NPAS3: variants seen among roughly 807,000 people sequenced by gnomAD.
NPAS3 encodes neuronal PAS domain protein 3, also known as neuronal PAS domain-containing protein 3.
Under a neutral mutation model 73.1 loss-of-function variants are expected in NPAS3, and 14 were observed. The observed-to-expected ratio is 0.19, with a 90% CI of 0.13 to 0.30. The LOEUF (loss-of-function observed/expected upper bound fraction) is 0.30. Among genes scored for constraint, NPAS3 ranks in the 10% least tolerant of loss-of-function variants. NPAS3 has a pLI of 1.00. For missense variants in NPAS3, 1,096 were observed against 1,250.0 expected (o/e 0.88, Z 1.86); for synonymous variants, 620 against 541.5 (o/e 1.14, Z -2.01).
intron 3 of NPAS3, among the ~76,000 whole-genome samples, chr14:33,253,497 T>C (rs2048664137): frequency 6.6e-6 from 1 of 152,066 alleles, no homozygotes; most frequent in African/African-American, 2.4e-5. Flanking sequence ...TTCCCAATGG[T>C]AATCAAGCTT....
At chr14:33,292,537 A>G (rs1450514019) in intron 3 of NPAS3, among the ~76,000 whole-genome samples, 2 of 152,156 alleles carry the variant, frequency 1.3e-5, no homozygotes, top group African/African-American at 2.4e-5. Context: ...TATTTTAAAT[A>G]TGCCCTAAAA....
chr14:33,302,390 G>T (rs994967449), intron 3 of NPAS3, among the ~76,000 whole-genome samples: 13 of 152,156 alleles, frequency 8.5e-5, no homozygotes, highest in Non-Finnish European at 1.6e-4. Context: ...CTCAAAAAAT[G>T]ATGGATGAGA....
chr14:33,800,413 C>T lies in NPAS3; in HGVS notation c.2106C>T (p.Gly702=). The change falls in exon 12 of 12, where the codon GGC becomes GGT. Residue 702 remains glycine, a synonymous_variant. Coordinates refer to ENST00000356141, the Ensembl canonical transcript of NPAS3. The surrounding 1 kb of genome is among the most constrained non-coding windows in gnomAD (Gnocchi z 6.5). ...CGCAGGGCGGCGGCGGTGGGGGTGG[C>T]GGTGGCGGGGGGCTGCACGTGGCCA... 3 of 1,562,008 alleles carry T rather than the reference C, an allele frequency of 1.9e-6. No homozygotes were observed. The highest frequency in any genetic ancestry group is 1.1e-5 in the South Asian group (1 of 89,098).
intron 5 of NPAS3, among the ~76,000 whole-genome samples, chr14:33,644,864 CAAGGTCAGGGGTT>C (rs1408337106): frequency 6.6e-6 from 1 of 152,010 alleles, no homozygotes; most frequent in Admixed American, 6.6e-5. Flanking sequence ...GGGCGGATCA[CAAGGTCAGGGGTT>C]TGAGACCAGC....
At chr14:33,147,728 A>ATAT (rs1555344644) in intron 2 of NPAS3, among the ~76,000 whole-genome samples, 1 of 65,248 alleles carries the variant, frequency 1.5e-5, no homozygotes, top group African/African-American at 1.2e-4. Context: ...AGTAGAATAA[A>ATAT]AAATATATAT....
At chr14:33,140,929 T>G (rs547438706) in intron 2 of NPAS3, among the ~76,000 whole-genome samples, 1 of 152,186 alleles carries the variant, frequency 6.6e-6, no homozygotes. Context: ...TTGGTATCAG[T>G]CCATCAATTC....
intron 3 of NPAS3, among the ~76,000 whole-genome samples, chr14:33,227,863 C>T (rs2047693262): frequency 6.6e-6 from 1 of 152,142 alleles, no homozygotes; most frequent in South Asian, 2.1e-4. Context: ...AATTAATCAT[C>T]CCGGTCATTT....
intron 9 of NPAS3, among the ~76,000 whole-genome samples, chr14:33,780,250 G>GTGTTGTGTATCGTAGAA (rs1315734915): frequency 6.6e-6 from 1 of 152,232 alleles, no homozygotes; most frequent in Non-Finnish European, 1.5e-5. Flanking sequence ...GAATGAATGG[G>GTGTTGTGTATCGTAGAA]TGTTGTGTAT....
chr14:33,347,935 A>G (rs908051507), intron 3 of NPAS3, among the ~76,000 whole-genome samples: 2 of 152,086 alleles, frequency 1.3e-5, no homozygotes, highest in Admixed American at 1.3e-4. Context: ...GGATCAGCCA[A>G]TGCAGAGGGC....
rs1555370644 is a variant in NPAS3, at chr14:33,301,323, T to TATA, written c.386-65863_386-65862insATA. On this transcript the variant is annotated intron_variant, in intron 3 of 11. Transcript: ENST00000356141. ...TTTTATCATTATATATATATATATA[T>TATA]TTTTTTTTTTTAAATCTAGCTGTAA... Among the ~76,000 whole-genome samples the TATA allele has an allele frequency of 1.6e-3, 130 of 81,518 alleles. 12 individuals carry two copies. The highest frequency in any genetic ancestry group is 7.3e-3 in the South Asian group (17 of 2,324). The allele number at this position is 81,518 out of a possible 152,430, so 53.5% of individuals were successfully genotyped here. A position where few individuals can be genotyped will look rare whatever the true frequency, so the allele number is the denominator to read the frequency against.
intron 3 of NPAS3, among the ~76,000 whole-genome samples, chr14:33,272,374 G>C (rs1359748326): frequency 6.6e-6 from 1 of 152,106 alleles, no homozygotes; most frequent in Non-Finnish European, 1.5e-5. Flanking sequence ...ATAATCTTAA[G>C]TATCTCTTAG....
In NPAS3 at chr14:33,333,058, A is replaced by T. The variant is rs372441659; in HGVS notation, c.386-34128A>T. Among the ~76,000 whole-genome samples the T allele has an allele frequency of 7.7e-4, 117 of 152,354 alleles. 2 individuals are homozygous for T. The highest frequency in any genetic ancestry group is 2.8e-3 in the African/African-American group (115 of 41,590). On this transcript the variant is annotated intron_variant, in intron 3 of 11. Coordinates refer to ENST00000356141, the Ensembl canonical transcript of NPAS3. The stretch of plus-strand genomic sequence containing the variant: ...CCTGTGGCTGCAATATGCATACAAT[A>T]GTCAGAGCATCTGCAGTCCTGGTTG...
chr14:33,475,497 TTTAAG>T (rs1335089105), intron 4 of NPAS3, among the ~76,000 whole-genome samples: 1 of 151,590 alleles, frequency 6.6e-6, no homozygotes, highest in African/African-American at 2.4e-5. Flanking sequence ...TCTTGCCTAC[TTTAAG>T]TTTTTATGTG....
upstream of NPAS3, among the ~76,000 whole-genome samples, chr14:32,938,778 C>G (rs979800775): frequency 2.7e-5 from 4 of 148,580 alleles, no homozygotes; most frequent in Non-Finnish European, 4.5e-5. Context: ...GGGTGAGAAC[C>G]CGGAGGCGGC....
intron 2 of NPAS3, among the ~76,000 whole-genome samples, chr14:33,142,191 C>CTTTTTTTTTTTTTTTTTTTTTTTT (rs10709910): frequency 2.6e-5 from 1 of 38,084 alleles, no homozygotes. Context: ...TTTGTATAAG[C>CTTTTTTTTTTTTTTTTTTTTTTTT]TTTTTTTTTT....
intron 5 of NPAS3, among the ~76,000 whole-genome samples, chr14:33,563,537 C>CACACACACAGAGAG: frequency 8.4e-5 from 10 of 119,630 alleles, no homozygotes; most frequent in African/African-American, 1.5e-4. Context: ...CACACACACA[C>CACACACACAGAGAG]AGAGAGAGAG....
intron 3 of NPAS3, among the ~76,000 whole-genome samples, chr14:33,310,554 C>T (rs1015092460): frequency 7.9e-5 from 12 of 152,146 alleles, no homozygotes. Flanking sequence ...TATCAGATGG[C>T]ATATTTCACC....
intron 5 of NPAS3, among the ~76,000 whole-genome samples, chr14:33,616,310 A>G (rs1478889205): frequency 6.6e-6 from 1 of 152,154 alleles, no homozygotes; most frequent in Non-Finnish European, 1.5e-5. Flanking sequence ...GAGTTACACT[A>G]GTTGCTCTGT....
intron 1 of NPAS3, among the ~76,000 whole-genome samples, chr14:33,034,585 TA>T (rs1189579382): frequency 6.6e-6 from 1 of 152,008 alleles, no homozygotes; most frequent in Non-Finnish European, 1.5e-5. Context: ...TATTTACATT[TA>T]TATAGTCTAC....
Sources: allele counts gnomAD v4.1 joint callset (sites outside exome capture counted in the v4.1 genomes callset), GRCh38; gene constraint gnomAD v4.1.1; non-coding constraint Gnocchi (gnomAD v3.1); transcripts MANE v1.5; gene names NCBI Gene and HGNC (gene_info 2026-07-23, HGNC 2026-07-21).